The following SOX5 variants were observed in gnomAD, a reference collection of about 807,000 sequenced individuals.
SOX5 encodes SRY-box transcription factor 5.
A neutral mutation model predicts 92.0 loss-of-function variants in SOX5; 9 were observed. That is an observed-to-expected ratio of 0.10 (90% CI 0.06 to 0.17). The LOEUF is 0.17. SOX5 is among the 10% of genes least tolerant of loss of function. The pLI is 1.00. For missense variants in SOX5, 642 were observed against 944.5 expected (o/e 0.68, Z 4.20); for synonymous variants, 344 against 336.3 (o/e 1.02, Z -0.25).
At chr12:24,444,015 G>A (rs1941069609) in intron 1 of SOX5, among the ~76,000 whole-genome samples, 1 of 152,216 alleles carries the variant, frequency 6.6e-6, no homozygotes, top group Non-Finnish European at 1.5e-5. Flanking sequence ...TACCCAAGAG[G>A]TGAGATGTGG....
intron 4 of SOX5, among the ~76,000 whole-genome samples, chr12:24,167,044 C>T (rs577630940): frequency 6.6e-6 from 1 of 152,250 alleles, no homozygotes; most frequent in African/African-American, 2.4e-5. Context: ...TATGTTTAAG[C>T]TGTAAAATGT....
At chr12:23,686,205 C>A (rs1355789326) in intron 6 of SOX5, among the ~76,000 whole-genome samples, 1 of 152,024 alleles carries the variant, frequency 6.6e-6, no homozygotes, top group African/African-American at 2.4e-5. Flanking sequence ...CAATTTACTG[C>A]AAAATTTATG....
intron 1 of SOX5, among the ~76,000 whole-genome samples, chr12:24,470,606 A>G (rs1304236989): frequency 6.6e-6 from 1 of 152,216 alleles, no homozygotes; most frequent in Non-Finnish European, 1.5e-5. Flanking sequence ...TGGGAAAATT[A>G]GACAACTAGT....
chr12:23,612,518 T>C (rs755379693), intron 8 of SOX5, among the ~76,000 whole-genome samples: 11 of 152,100 alleles, frequency 7.2e-5, no homozygotes, highest in Non-Finnish European at 1.6e-4. Flanking sequence ...AGCTAAAATC[T>C]TGATGATTAA....
intron 4 of SOX5, among the ~76,000 whole-genome samples, chr12:24,095,110 CACACACACACACACACACAGAG>C: frequency 9.7e-6 from 1 of 102,860 alleles, no homozygotes; most frequent in African/African-American, 3.3e-5. Flanking sequence ...CACACACACA[CACACACACACACACACACAGAG>C]AGAGAGAGAG....
chr12:23,859,806 C>T (rs1435170260), intron 2 of SOX5, among the ~76,000 whole-genome samples: 1 of 152,038 alleles, frequency 6.6e-6, no homozygotes, highest in East Asian at 1.9e-4. Context: ...CTCAGACCGG[C>T]CGACACTTAG....
At chr12:24,279,513 G>A (rs1283181178) in intron 2 of SOX5, among the ~76,000 whole-genome samples, 2 of 151,690 alleles carry the variant, frequency 1.3e-5, no homozygotes, top group South Asian at 2.1e-4. Context: ...TACTAAGATC[G>A]CTGATATCGC....
intron 1 of SOX5, among the ~76,000 whole-genome samples, chr12:23,922,003 A>G (rs1308112130): frequency 6.6e-6 from 1 of 152,220 alleles, no homozygotes; most frequent in African/African-American, 2.4e-5. Flanking sequence ...TTAAGGGCAA[A>G]GAATACAAAA....
intron 1 of SOX5, among the ~76,000 whole-genome samples, chr12:24,446,404 G>A (rs984397361): frequency 3.3e-5 from 5 of 152,176 alleles, no homozygotes; most frequent in African/African-American, 1.2e-4. Context: ...TCCCAGCAGA[G>A]AGGCCCAATG....
At chr12:24,057,208 G>C (rs1958222032) in intron 4 of SOX5, among the ~76,000 whole-genome samples, 1 of 151,822 alleles carries the variant, frequency 6.6e-6, no homozygotes, top group Non-Finnish European at 1.5e-5. Context: ...AAAATTAAGG[G>C]AGAGAAGACA....
At chr12:23,796,993 G>C (rs1210223277) in intron 3 of SOX5, among the ~76,000 whole-genome samples, 2 of 149,482 alleles carry the variant, frequency 1.3e-5, no homozygotes, top group East Asian at 3.9e-4. Flanking sequence ...AACATTTAAG[G>C]GGGAAATTAG....
At chr12:24,391,244 T>C (rs535169028) in intron 1 of SOX5, among the ~76,000 whole-genome samples, 44 of 152,334 alleles carry the variant, frequency 2.9e-4, no homozygotes, top group Non-Finnish European at 5.1e-4. Context: ...TTTCTTCATG[T>C]CCTTTACCCA....
intron 1 of SOX5, among the ~76,000 whole-genome samples, chr12:23,939,921 A>G (rs1458129045): frequency 4.0e-5 from 6 of 150,978 alleles, no homozygotes; most frequent in African/African-American, 1.5e-4. Flanking sequence ...TTTTCTTTGG[A>G]CTACATGTTT....
chr12:24,177,023 C>G (rs967840629), intron 4 of SOX5, among the ~76,000 whole-genome samples: 5 of 142,754 alleles, frequency 3.5e-5, no homozygotes, highest in African/African-American at 1.1e-4. Flanking sequence ...GATTTGGTAA[C>G]TGAATGGAAT....
chr12:23,664,333 A>G (rs916310690), intron 7 of SOX5, among the ~76,000 whole-genome samples: 2 of 151,940 alleles, frequency 1.3e-5, no homozygotes, highest in African/African-American at 4.8e-5. Flanking sequence ...ATATATATAT[A>G]TATAAGCCAA....
At chr12:23,806,031 T>C (rs1198044714) in intron 3 of SOX5, among the ~76,000 whole-genome samples, 1 of 152,204 alleles carries the variant, frequency 6.6e-6, no homozygotes, top group African/African-American at 2.4e-5. Flanking sequence ...ATTTAGATGA[T>C]CAATTTTATG....
At chr12:24,115,459 C>T (rs919450821) in intron 4 of SOX5, among the ~76,000 whole-genome samples, 28 of 152,250 alleles carry the variant, frequency 1.8e-4, no homozygotes, top group African/African-American at 6.5e-4. Flanking sequence ...AAGATGTACC[C>T]CGATAAGCTC....
chr12:23,622,271 G>A (rs2077269477), intron 8 of SOX5, among the ~76,000 whole-genome samples: 2 of 151,218 alleles, frequency 1.3e-5, no homozygotes, highest in Non-Finnish European at 2.9e-5. Flanking sequence ...TTCATTTTAT[G>A]ACTGCAAATG....
At chr12:24,416,736 A>T (rs1478017092) in intron 1 of SOX5, among the ~76,000 whole-genome samples, 1 of 152,232 alleles carries the variant, frequency 6.6e-6, no homozygotes, top group East Asian at 1.9e-4. Flanking sequence ...ACACAGTTTG[A>T]ATAACAATAT....
Sources: gnomAD v4.1 joint callset for allele counts (sites outside exome capture counted in the v4.1 genomes callset) on GRCh38, gnomAD v4.1.1 for gene constraint, MANE v1.5 for transcripts, NCBI Gene and HGNC (gene_info 2026-07-23, HGNC 2026-07-21) for gene names.